The following DMD variants were observed in gnomAD, a reference collection of about 807,000 sequenced individuals.
The protein encoded by DMD is mutant dystrophin.
DMD carries 63 observed loss-of-function variants against 330.1 expected under a neutral mutation model. The ratio of observed to expected loss-of-function variants is 0.19; its 90% CI spans 0.16 to 0.24. The LOEUF is 0.24. Among genes scored for constraint, DMD ranks in the 10% least tolerant of loss-of-function variants. The pLI, the probability that DMD is intolerant of heterozygous loss-of-function variation, is 1.00. For synonymous variants in DMD, 1,223 were observed against 959.8 expected (o/e 1.27, Z -5.07); for missense variants, 3,344 against 2,684.1 (o/e 1.25, Z -5.43).
intron 9 of DMD, among the ~76,000 whole-genome samples, chrX:32,669,123 A>T (rs2061485300): frequency 9.0e-6 from 1 of 111,418 alleles, no homozygotes; most frequent in South Asian, 3.8e-4. Flanking sequence ...TCTTCTATGA[A>T]CTATCCCATC....
intron 12 of DMD, among the ~76,000 whole-genome samples, chrX:32,597,672 A>C (rs760406368): frequency 1.8e-5 from 2 of 111,857 alleles, no homozygotes; most frequent in South Asian, 3.7e-4. Flanking sequence ...CAGTATTTCC[A>C]ATCTTTTTAA....
chrX:32,791,081 T>G (rs1036934987), intron 7 of DMD, among the ~76,000 whole-genome samples: 3 of 111,109 alleles, frequency 2.7e-5, no homozygotes, highest in Non-Finnish European at 5.7e-5. Context: ...GGCCTGAATT[T>G]GGGCCCACTC....
intron 60 of DMD, among the ~76,000 whole-genome samples, chrX:31,435,976 G>A (rs754366108): frequency 9.0e-6 from 1 of 111,693 alleles, no homozygotes; most frequent in South Asian, 3.8e-4. Context: ...GTCAGTTGCA[G>A]AATAAGGGAA....
In DMD at chrX:31,354,333, C is replaced by A. The variant is rs1467695637; in HGVS notation, c.9085-5699G>T. On this transcript the variant is annotated intron_variant, in intron 60 of 78. Transcript: ENST00000357033. ...GAATGAATCATTTCTTTTTCAAGAT[C>A]CCTGACACAAGCTTTTGAAAAACTT... 4.5e-5 allele frequency among the ~76,000 whole-genome samples: 5 copies of A among 110,957 alleles called. No homozygotes were observed. In the East Asian group the frequency reaches 1.4e-3, roughly 31 times the overall value.
intron 44 of DMD, among the ~76,000 whole-genome samples, chrX:32,200,018 T>A (rs2097026977): frequency 9.0e-6 from 1 of 111,004 alleles, no homozygotes; most frequent in Non-Finnish European, 1.9e-5. Flanking sequence ...ATTATATTGT[T>A]ACTTTTGATA....
chrX:32,025,589 G>T (rs1457101710), intron 44 of DMD, among the ~76,000 whole-genome samples: 1 of 112,165 alleles, frequency 8.9e-6, no homozygotes, highest in Non-Finnish European at 1.9e-5. Flanking sequence ...ATTACCATAA[G>T]CAATAGCAAA....
intron 2 of DMD, among the ~76,000 whole-genome samples, chrX:32,902,634 T>C (rs1377666893): frequency 1.8e-5 from 2 of 110,470 alleles, no homozygotes; most frequent in African/African-American, 6.7e-5. Context: ...ATCTTTAGTA[T>C]GCATGATACA....
At chrX:32,236,240 T>C (rs768273) in intron 43 of DMD, among the ~76,000 whole-genome samples, 8,973 of 111,007 alleles carry the variant, frequency 0.081, 490 homozygotes, top group East Asian at 0.46. Context: ...CAACAGAAAA[T>C]ATGGAAGCCT....
At chrX:31,404,100 C>G (rs1017556824) in intron 60 of DMD, among the ~76,000 whole-genome samples, 2 of 110,340 alleles carry the variant, frequency 1.8e-5, no homozygotes, top group Non-Finnish European at 1.9e-5. Flanking sequence ...AGTGTGTACA[C>G]CCCCCATCTT....
At chrX:32,996,263 T>C (rs775569273) in intron 2 of DMD, among the ~76,000 whole-genome samples, 2 of 110,469 alleles carry the variant, frequency 1.8e-5, no homozygotes, top group South Asian at 7.5e-4. Flanking sequence ...CATTTTTGGA[T>C]AAAATAATGA....
intron 13 of DMD, among the ~76,000 whole-genome samples, chrX:32,585,001 G>A (rs1211625416): frequency 9.0e-6 from 1 of 111,436 alleles, no homozygotes; most frequent in Non-Finnish European, 1.9e-5. Flanking sequence ...ATAATGCAAT[G>A]TTATTTGGCC....
intron 55 of DMD, among the ~76,000 whole-genome samples, chrX:31,525,928 C>A (rs2073210734): frequency 8.9e-6 from 1 of 112,349 alleles, no homozygotes; most frequent in Non-Finnish European, 1.9e-5. Flanking sequence ...ATTGAAAAGA[C>A]AACACCATTC....
At chrX:32,460,272 G>A (rs2098378967) in intron 25 of DMD, among the ~76,000 whole-genome samples, 2 of 110,631 alleles carry the variant, frequency 1.8e-5, no homozygotes, top group Admixed American at 9.6e-5. Context: ...CACTGTTAGT[G>A]GGAATATAAA....
At chrX:32,984,341 G>A (rs1462075169) in intron 2 of DMD, among the ~76,000 whole-genome samples, 1 of 112,151 alleles carries the variant, frequency 8.9e-6, no homozygotes, top group East Asian at 2.8e-4. Flanking sequence ...TGCAACTTCC[G>A]CCTCCCAGGT....
chrX:31,285,639 G>C, intron 62 of DMD, among the ~76,000 whole-genome samples: 1 of 111,357 alleles, frequency 9.0e-6, no homozygotes, highest in Non-Finnish European at 1.9e-5. Context: ...TCCAAAATTA[G>C]AACTTTATCC....
intron 63 of DMD, among the ~76,000 whole-genome samples, chrX:31,227,708 G>T (rs1469172783): frequency 9.0e-6 from 1 of 110,953 alleles, no homozygotes; most frequent in Non-Finnish European, 1.9e-5. Context: ...CCATTTTCAC[G>T]ATATTGATTC....
intron 7 of DMD, among the ~76,000 whole-genome samples, chrX:32,736,299 C>T (rs1238370972): frequency 9.0e-6 from 1 of 111,304 alleles, no homozygotes; most frequent in Non-Finnish European, 1.9e-5. Context: ...GAAATAGGAA[C>T]ACTTTTTCAC....
intron 38 of DMD, among the ~76,000 whole-genome samples, chrX:32,347,792 G>A (rs1376957229): frequency 1.8e-5 from 2 of 111,861 alleles, no homozygotes; most frequent in East Asian, 5.7e-4. Flanking sequence ...ATTCAAGCCA[G>A]AGAGAAATGT....
At chrX:33,273,772 T>C (rs2053195362) in intron 1 of DMD, among the ~76,000 whole-genome samples, 1 of 112,545 alleles carries the variant, frequency 8.9e-6, no homozygotes, top group African/African-American at 3.2e-5. Flanking sequence ...TTATGCATAA[T>C]GTGAAGTAAT....
Sources: gnomAD v4.1 joint callset for allele counts (sites outside exome capture counted in the v4.1 genomes callset) on GRCh38, gnomAD v4.1.1 for gene constraint, MANE v1.5 for transcripts, NCBI Gene and HGNC (gene_info 2026-07-23, HGNC 2026-07-21) for gene names.